Variants in WDR72 observed in about 807,000 individuals in gnomAD.
The protein encoded by WDR72 is WD repeat domain 72, also known as WD repeat-containing protein 72.
WDR72 carries 120 observed loss-of-function variants against 124.2 expected under a neutral mutation model. That is an observed-to-expected ratio of 0.97 (90% confidence interval 0.83 to 1.12). The LOEUF (loss-of-function observed/expected upper bound fraction) is 1.12. Among genes scored for constraint, WDR72 ranks in the 50% most tolerant of loss-of-function variants. The pLI is 0.00. For missense variants in WDR72, 1,387 were observed against 1,278.8 expected (o/e 1.08, Z -1.29); for synonymous variants, 452 against 441.7 (o/e 1.02, Z -0.29).
chr15:53,605,364 A>C (rs1187712182), intron 17 of WDR72, among the ~76,000 whole-genome samples: 1 of 152,216 alleles, frequency 6.6e-6, no homozygotes, highest in Non-Finnish European at 1.5e-5. Flanking sequence ...GAGGAGAGAG[A>C]GGATCAGGAA....
In WDR72 at chr15:53,702,456, T is replaced by C. The variant is rs1374796964; in HGVS notation, c.1349-102A>G. On this transcript the variant is annotated intron_variant, in intron 11 of 19. Coordinates refer to ENST00000360509, the MANE Select transcript of WDR72 (RefSeq NM_182758.4). ...AATTTTAACATAAGGAAATTACATA[T>C]AATTAAAGCATGCACTTGGCTAAGA... The C allele has an allele frequency of 2.6e-5, 25 of 964,912 alleles. 1 individual carries two copies. The East Asian group carries it at 5.9e-4, about 23-fold the overall frequency. 59.8% of individuals were successfully genotyped at this position (964,912 alleles called of 1,614,324 possible). A position where few individuals can be genotyped will look rare whatever the true frequency, so the allele number is the denominator to read the frequency against.
At chr15:53,718,716 TTC>T (rs756367004) in intron 3 of WDR72, among the ~76,000 whole-genome samples, 8 of 145,502 alleles carry the variant, frequency 5.5e-5, no homozygotes, top group Non-Finnish European at 1.2e-4. Context: ...TAAAATCACA[TTC>T]TGTTATAAAA....
intron 1 of WDR72, among the ~76,000 whole-genome samples, chr15:53,748,510 A>G (rs2018697402): frequency 6.6e-6 from 1 of 152,310 alleles, no homozygotes; most frequent in East Asian, 1.9e-4. Flanking sequence ...CTTGGTATGT[A>G]CTACCTAAAA....
At chr15:53,729,550 T>C (rs920156255) in intron 2 of WDR72, among the ~76,000 whole-genome samples, 12 of 151,898 alleles carry the variant, frequency 7.9e-5, no homozygotes, top group African/African-American at 2.7e-4. Flanking sequence ...GGACCCATCC[T>C]GTCCTTTCCA....
intron 13 of WDR72, among the ~76,000 whole-genome samples, chr15:53,682,902 T>C (rs946566730): frequency 6.6e-6 from 1 of 152,176 alleles, no homozygotes; most frequent in Non-Finnish European, 1.5e-5. Context: ...TAACAGAGAC[T>C]GGACAATCTA....
intron 14 of WDR72, among the ~76,000 whole-genome samples, chr15:53,660,550 C>A (rs1233251986): frequency 6.6e-6 from 1 of 151,946 alleles, no homozygotes; most frequent in African/African-American, 2.4e-5. Flanking sequence ...CAAATGGTAC[C>A]AGAGACACAT....
chr15:53,606,499 AC>A (rs2140353988), intron 17 of WDR72, among the ~76,000 whole-genome samples: 1 of 152,326 alleles, frequency 6.6e-6, no homozygotes, highest in East Asian at 1.9e-4. Context: ...AAACAAGGTC[AC>A]TGCTCTCAGC....
At chr15:53,585,797 C>T (rs181683993) in intron 18 of WDR72, among the ~76,000 whole-genome samples, 35 of 152,100 alleles carry the variant, frequency 2.3e-4, no homozygotes, top group African/African-American at 3.9e-4. Context: ...TCTGCTCCAA[C>T]GCTGGGTCAG....
intron 1 of WDR72, among the ~76,000 whole-genome samples, chr15:53,748,763 T>A (rs1158059534): frequency 1.3e-5 from 2 of 152,244 alleles, no homozygotes; most frequent in Non-Finnish European, 2.9e-5. Flanking sequence ...TAGTCTCCTC[T>A]GATAACATTT....
At chr15:53,663,467 A>G (rs562396519) in intron 14 of WDR72, among the ~76,000 whole-genome samples, 2 of 152,320 alleles carry the variant, frequency 1.3e-5, no homozygotes, top group South Asian at 2.1e-4. Flanking sequence ...AGGAATAAAC[A>G]AAATTATATA....
chr15:53,581,892 A>T (rs2011948541), intron 18 of WDR72, among the ~76,000 whole-genome samples: 1 of 152,064 alleles, frequency 6.6e-6, no homozygotes. Context: ...ATTTTGAATT[A>T]CTGCTATACA....
chr15:53,744,924 T>C (rs1032381774), intron 1 of WDR72, among the ~76,000 whole-genome samples: 2 of 152,096 alleles, frequency 1.3e-5, no homozygotes, highest in Admixed American at 6.6e-5. Flanking sequence ...CCTCTCTTCA[T>C]GTTCTACCAA....
chr15:53,664,963 A>G (rs770054995), intron 14 of WDR72, among the ~76,000 whole-genome samples: 1 of 152,174 alleles, frequency 6.6e-6, no homozygotes, highest in Non-Finnish European at 1.5e-5. Flanking sequence ...TGAAAATACA[A>G]AAAGATGGAA....
chr15:53,707,371 A>AAGACGTAT (rs1332019576), intron 9 of WDR72, among the ~76,000 whole-genome samples: 1 of 152,238 alleles, frequency 6.6e-6, no homozygotes, highest in Non-Finnish European at 1.5e-5. Flanking sequence ...TCATCCAACC[A>AAGACGTAT]AGACGTATAA....
intron 17 of WDR72, among the ~76,000 whole-genome samples, chr15:53,608,921 T>C (rs2013409605): frequency 6.6e-6 from 1 of 151,930 alleles, no homozygotes; most frequent in Admixed American, 6.6e-5. Flanking sequence ...GAATGAATAA[T>C]ACCTACTATT....
At chr15:53,574,295 C>G (rs780676618) in intron 18 of WDR72, among the ~76,000 whole-genome samples, 1 of 152,192 alleles carries the variant, frequency 6.6e-6, no homozygotes, top group Non-Finnish European at 1.5e-5. Context: ...AGTTCCCACA[C>G]ATAGACAATG....
intron 18 of WDR72, among the ~76,000 whole-genome samples, chr15:53,588,360 G>A (rs1452816878): frequency 6.6e-6 from 1 of 151,966 alleles, no homozygotes; most frequent in African/African-American, 2.4e-5. Flanking sequence ...AGCAATTAGA[G>A]TGCCAGGTAA....
intron 18 of WDR72, among the ~76,000 whole-genome samples, chr15:53,524,386 G>A (rs1218857202): frequency 5.3e-5 from 8 of 152,076 alleles, no homozygotes; most frequent in Non-Finnish European, 7.4e-5. Flanking sequence ...TTGGCACAGG[G>A]GAGTGGGCCT....
At chr15:53,747,579 CAGCCAA>C (rs943652297) in intron 1 of WDR72, among the ~76,000 whole-genome samples, 1 of 152,164 alleles carries the variant, frequency 6.6e-6, no homozygotes, top group African/African-American at 2.4e-5. Flanking sequence ...TAAAGCAAAA[CAGCCAA>C]GAAATCACAT....
Sources: gnomAD v4.1 joint callset for allele counts (sites outside exome capture counted in the v4.1 genomes callset) on GRCh38, gnomAD v4.1.1 for gene constraint, MANE v1.5 for transcripts, NCBI Gene and HGNC (gene_info 2026-07-23, HGNC 2026-07-21) for gene names.